The following FOXK1 variants were observed in gnomAD, a reference collection of about 807,000 sequenced individuals.
FOXK1 encodes the protein forkhead box K1.
In FOXK1, 19 loss-of-function variants were observed where a neutral mutation model predicts 51.9. The ratio of observed to expected loss-of-function variants is 0.37; its 90% CI spans 0.26 to 0.54. The LOEUF (loss-of-function observed/expected upper bound fraction) is 0.54, where lower values mean the gene tolerates loss of function less well. Among genes scored for constraint, FOXK1 ranks in the 20% least tolerant of loss-of-function variants. The pLI is 0.87. For missense variants in FOXK1, 870 were observed against 1,032.7 expected, an observed-to-expected ratio of 0.84 and a Z score of 2.16; for synonymous variants, 537 against 482.6, an observed-to-expected ratio of 1.11 and a Z score of -1.48.
Position 4,745,089 on chromosome 7 carries a change from C to A in FOXK1, c.746+4066C>A, listed in dbSNP as rs1717588144. 6.6e-6 allele frequency among the ~76,000 whole-genome samples: 1 copy of A among 152,230 alleles called. No homozygotes were observed. Among genetic ancestry groups the A allele is most frequent in the Admixed American group, 6.5e-5 (1 of 15,286 alleles). ...TCCCTGCCCTTCCCTGCCACCTCCC[C>A]ACTCTCCTCCTCTCTGGCTGCGCTC... On this transcript the variant is annotated intron_variant, in intron 2 of 8. Transcript: ENST00000328914. This position sits in a 1 kb window ranked among gnomAD's most constrained non-coding sequence, Gnocchi z 4.3.
At position 4,682,931 on chromosome 7, in the gene FOXK1, G is replaced by C. The variant is rs969023798; in HGVS notation, c.560+63G>C. The stretch of plus-strand genomic sequence containing the variant: ...GCTCGCCCACGACCTCGATCTCTGA[G>C]GCCCGGGCCTGGGGATCCCCCTCCA... On this transcript the variant is annotated intron_variant, in intron 1 of 8. Coordinates refer to ENST00000328914, the MANE Select transcript of FOXK1 (RefSeq NM_001037165.2). This position sits in a 1 kb window ranked among gnomAD's most constrained non-coding sequence, Gnocchi z 7.6. The C allele has an allele frequency of 7.2e-7, 1 of 1,383,570 alleles. No homozygotes were observed. The highest frequency in any genetic ancestry group is 1.5e-5 in the African/African-American group (1 of 66,520). 85.7% of individuals were successfully genotyped at this position (1,383,570 alleles called of 1,614,324 possible). A position where few individuals can be genotyped will look rare whatever the true frequency, so the allele number is the denominator to read the frequency against.
rs749853819 is a variant in FOXK1 at position 4,710,750 on chromosome 7, C to T, written c.560+27882C>T. ...TGCGGTGGTGGCTCTGCAGCCCCAG[C>T]GGTGCAGGTTCTGGGCTGGTCTGCA... On this transcript the variant is annotated intron_variant, in intron 1 of 8. Coordinates refer to ENST00000328914, the MANE Select transcript of FOXK1 (RefSeq NM_001037165.2). Among the ~76,000 whole-genome samples the T allele has an allele frequency of 6.6e-5, 10 of 152,054 alleles. No homozygotes were observed. In the East Asian group the frequency reaches 1.2e-3, roughly 18 times the overall value.
intron 1 of FOXK1, among the ~76,000 whole-genome samples, chr7:4,725,625 G>A (rs900939701): frequency 2.0e-5 from 3 of 152,276 alleles, no homozygotes; most frequent in African/African-American, 7.2e-5. Context: ...CCGGGCGTGT[G>A]GCTGTGTTGG....
At position 4,761,371 on chromosome 7, in the gene FOXK1, A is replaced by G. The variant is rs1292541122; in HGVS notation, c.1921+83A>G. Reference sequence around the variant, plus strand: ...CAGTGCGGCATGAGAATGTTCTCCCAGTATCTCCCGATCCTCCACTCAGTT... The same window carrying G: ...CAGTGCGGCATGAGAATGTTCTCCCGGTATCTCCCGATCCTCCACTCAGTT... On this transcript the variant is annotated intron_variant, in intron 8 of 8. Transcript: ENST00000328914. This position sits in a 1 kb window ranked among gnomAD's most constrained non-coding sequence, Gnocchi z 6.2. 6 of 1,317,286 alleles carry G rather than the reference A, an allele frequency of 4.6e-6. No individual in the cohort carries two copies. The highest frequency in any genetic ancestry group is 5.3e-6 in the Non-Finnish European group (5 of 949,412). The allele number at this position is 1,317,286 out of a possible 1,614,324, so 81.6% of individuals were successfully genotyped here.
Position 4,756,257 on chromosome 7 carries a change from G to A in FOXK1, c.1051-737G>A, listed in dbSNP as rs975925386. Among the ~76,000 whole-genome samples, 1 of 152,124 alleles carries A rather than the reference G, an allele frequency of 6.6e-6. No individual in the cohort carries two copies. Among genetic ancestry groups the A allele is most frequent in the Non-Finnish European group, 1.5e-5 (1 of 68,014 alleles). The stretch of plus-strand genomic sequence containing the variant: ...AGCCTCCCAAGTAGCTGGGGCTACA[G>A]GTGCCCACCACCACACCTGGCTATT... On this transcript the variant is annotated intron_variant, in intron 4 of 8. Coordinates refer to ENST00000328914, the MANE Select transcript of FOXK1 (RefSeq NM_001037165.2). This position sits in a 1 kb window ranked among gnomAD's most constrained non-coding sequence, Gnocchi z 4.1.
intron 2 of FOXK1, among the ~76,000 whole-genome samples, chr7:4,744,873 G>A (rs538841739): frequency 6.6e-6 from 1 of 152,376 alleles, no homozygotes; most frequent in Non-Finnish European, 1.5e-5. Context: ...TAGTAAGTTA[G>A]GGACTGGCTG....
Position 4,703,116 on chromosome 7 carries a change from G to T in FOXK1, c.560+20248G>T, listed in dbSNP as rs1780040706. Among the ~76,000 whole-genome samples, 1 of 152,160 alleles carries T rather than the reference G, an allele frequency of 6.6e-6. No individual in the cohort carries two copies. The highest frequency in any genetic ancestry group is 2.4e-5 in the African/African-American group (1 of 41,432). On this transcript the variant is annotated intron_variant, in intron 1 of 8. Coordinates refer to ENST00000328914, the MANE Select transcript of FOXK1 (RefSeq NM_001037165.2). The surrounding 1 kb of genome is among the most constrained non-coding windows in gnomAD (Gnocchi z 5.6). ...TGCCTCTGTGTCGGGGGCTGGGCTG[G>T]GCTGGGCTGGACTGGGAAGACTGGC...
In FOXK1 at chr7:4,709,218, T is replaced by G. The variant is rs1780143891; in HGVS notation, c.560+26350T>G. ...GGATACCCCCGTGCCTTACCCACGC[T>G]ATTTGCTGCCTGGCATCCCCACCCT... On this transcript the variant is annotated intron_variant, in intron 1 of 8. Coordinates refer to ENST00000328914, the MANE Select transcript of FOXK1 (RefSeq NM_001037165.2). The surrounding 1 kb of genome is among the most constrained non-coding windows in gnomAD (Gnocchi z 5.6). Among the ~76,000 whole-genome samples the G allele has an allele frequency of 6.6e-6, 1 of 152,120 alleles. No homozygotes were observed. Among genetic ancestry groups the G allele is most frequent in the Non-Finnish European group, 1.5e-5 (1 of 68,006 alleles).
Position 4,740,986 on chromosome 7 carries a change from A to T in FOXK1, c.709A>T (p.Met237Leu), listed in dbSNP as rs778893679. 1.9e-6 allele frequency: 3 copies of T among 1,559,850 alleles called. No individual in the cohort carries two copies. Among genetic ancestry groups the T allele is most frequent in the Admixed American group, 2.0e-5 (1 of 49,356 alleles). ...CATCCCGGAGCCGGACCTCCGGAGCATGGTCAGCCCCGTCCCCTCCCCGAC... is the reference window on the plus strand; with the variant it reads ...CATCCCGGAGCCGGACCTCCGGAGCTTGGTCAGCCCCGTCCCCTCCCCGAC... ...IHIPEPDLRS[M>L]VSPVPSPTGT... is the part of the protein sequence containing the mutation. The change falls in exon 2 of 9, where the codon ATG (methionine) becomes TTG (leucine). Residue 237 changes from methionine to leucine, a missense_variant. By Grantham distance (15) the Met-to-Leu change is conservative. This residue lies in a region of FOXK1 where 399 missense variants were observed against 475.6 expected (regional missense o/e 0.84). Transcript: ENST00000328914.
In FOXK1 at chr7:4,763,994, C is replaced by T. The variant is rs1780973593; in HGVS notation, c.*1530C>T. 6.6e-6 allele frequency: 1 copy of T among 152,438 alleles called. No homozygotes were observed. The highest frequency in any genetic ancestry group is 6.5e-5 in the Admixed American group (1 of 15,306). The allele number at this position is 152,438 out of a possible 1,614,324, so 9.4% of individuals were successfully genotyped here. A position where few individuals can be genotyped will look rare whatever the true frequency, so the allele number is the denominator to read the frequency against. ...AAATCGCCCGTCCTCCGCATCACAG[C>T]CTCTCACCAGCAAAGCAGCCTCTGC... On this transcript the variant is annotated 3_prime_UTR_variant, in exon 9 of 9. Coordinates refer to ENST00000328914, the MANE Select transcript of FOXK1 (RefSeq NM_001037165.2).
chr7:4,752,420 CA>C (rs1348244412), intron 2 of FOXK1, among the ~76,000 whole-genome samples: 1 of 152,256 alleles, frequency 6.6e-6, no homozygotes, highest in African/African-American at 2.4e-5. Context: ...GCTGGGCTTA[CA>C]GGCATGAGCC....
intron 1 of FOXK1, among the ~76,000 whole-genome samples, chr7:4,706,025 T>TAC (rs1230317232): frequency 9.6e-6 from 1 of 104,510 alleles, no homozygotes; most frequent in Admixed American, 8.6e-5. Flanking sequence ...TATATATACG[T>TAC]GTATATACGT....
chr7:4,756,295 A>G lies in FOXK1; in HGVS notation c.1051-699A>G, dbSNP rs113703459. On this transcript the variant is annotated intron_variant, in intron 4 of 8. Transcript: ENST00000328914. The surrounding 1 kb of genome is among the most constrained non-coding windows in gnomAD (Gnocchi z 4.1). Reference sequence around the variant, plus strand: ...ACACCTGGCTATTTTTTGTATTTTTAGTAGAGATGGGGTTTCACCATGTTG... The same window carrying G: ...ACACCTGGCTATTTTTTGTATTTTTGGTAGAGATGGGGTTTCACCATGTTG... Among the ~76,000 whole-genome samples, 198 of 152,016 alleles carry G rather than the reference A, an allele frequency of 1.3e-3. 1 individual carries two copies. The highest frequency in any genetic ancestry group is 2.2e-3 in the Non-Finnish European group (148 of 67,944).
rs371037449 is a variant in FOXK1 at position 4,703,294 on chromosome 7, G to A, written c.560+20426G>A. ...GCCTCTCCGCTCTGGGGTGAGGGGA[G>A]GGAGGGGGAGGACCCGAGGGGGCAG... On this transcript the variant is annotated intron_variant, in intron 1 of 8. Coordinates refer to ENST00000328914, the MANE Select transcript of FOXK1 (RefSeq NM_001037165.2). This position sits in a 1 kb window ranked among gnomAD's most constrained non-coding sequence, Gnocchi z 5.6. 2.0e-5 allele frequency among the ~76,000 whole-genome samples: 3 copies of A among 152,234 alleles called. No homozygotes were observed. In the East Asian group the frequency reaches 5.8e-4, roughly 29 times the overall value.
In FOXK1 at chr7:4,720,266, T is replaced by G. The variant is rs115779434; in HGVS notation, c.561-20572T>G. Among the ~76,000 whole-genome samples the G allele has an allele frequency of 3.5e-3, 532 of 152,276 alleles. 3 individuals carry two copies. Among genetic ancestry groups the G allele is most frequent in the African/African-American group, 0.012 (508 of 41,530 alleles). The stretch of plus-strand genomic sequence containing the variant: ...AAATCTGTACATTTTTCAGCCATTA[T>G]TTCTTTGAGGGTTTTTTGCCTCATC... On this transcript the variant is annotated intron_variant, in intron 1 of 8. Coordinates refer to ENST00000328914, the MANE Select transcript of FOXK1 (RefSeq NM_001037165.2).
chr7:4,710,432 G>A (rs1486781658), intron 1 of FOXK1, among the ~76,000 whole-genome samples: 1 of 152,082 alleles, frequency 6.6e-6, no homozygotes, highest in Non-Finnish European at 1.5e-5. Flanking sequence ...AAAATTAGCT[G>A]GGCGTGGTGA....
Position 4,755,141 on chromosome 7 carries a change from T to C in FOXK1, c.904-96T>C. On this transcript the variant is annotated intron_variant, in intron 3 of 8. Transcript: ENST00000328914. The surrounding 1 kb of genome is among the most constrained non-coding windows in gnomAD (Gnocchi z 6.6). Reference sequence around the variant, plus strand: ...GGGTGCCGGCAAGACGCGCACATTCTCGTGGGAAGGTTCCTCCCCATCAGC... The same window carrying C: ...GGGTGCCGGCAAGACGCGCACATTCCCGTGGGAAGGTTCCTCCCCATCAGC... 1 of 1,499,568 alleles carries C rather than the reference T, an allele frequency of 6.7e-7. No homozygotes were observed. Among genetic ancestry groups the C allele is most frequent in the Non-Finnish European group, 9.1e-7 (1 of 1,104,460 alleles). 92.9% of individuals were successfully genotyped at this position (1,499,568 alleles called of 1,614,324 possible).
chr7:4,716,494 A>C (rs1457200314), intron 1 of FOXK1, among the ~76,000 whole-genome samples: 2 of 152,160 alleles, frequency 1.3e-5, no homozygotes, highest in Non-Finnish European at 2.9e-5. Context: ...TGACACAGCA[A>C]GGCCCTGTGT....
In FOXK1 at chr7:4,682,839, C is replaced by T. The variant is rs757454404; in HGVS notation, c.531C>T (p.Arg177=). 2.6e-6 allele frequency: 4 copies of T among 1,564,044 alleles called. No individual in the cohort carries two copies. The highest frequency in any genetic ancestry group is 1.4e-5 in the African/African-American group (1 of 72,984). The change falls in exon 1 of 9, where the codon CGC becomes CGT. Residue 177 remains arginine (R), a synonymous_variant. Transcript: ENST00000328914. This position sits in a 1 kb window ranked among gnomAD's most constrained non-coding sequence, Gnocchi z 7.6. The part of the protein sequence containing the change: ...GVFVDGAFQR[R]GAPALQLPKQ... ...TCGTGGACGGGGCCTTCCAGAGACG[C>T]GGCGCGCCCGCCCTGCAGCTGCCCA...
Sources: allele counts gnomAD v4.1 joint callset (sites outside exome capture counted in the v4.1 genomes callset), GRCh38; gene constraint gnomAD v4.1.1; regional missense constraint gnomAD v4.1.1; non-coding constraint Gnocchi (gnomAD v3.1); transcripts MANE v1.5; gene names NCBI Gene and HGNC (gene_info 2026-07-23, HGNC 2026-07-21).